Variants in RAD51B observed in about 807,000 individuals in gnomAD.
RAD51B encodes RAD51 paralog B.
In RAD51B, 38 loss-of-function variants were observed where a neutral mutation model predicts 42.2. The observed-to-expected ratio is 0.90, with a 90% CI of 0.70 to 1.18. The LOEUF is 1.18. Among genes scored for constraint, RAD51B ranks in the 50% most tolerant of loss-of-function variants. The pLI, the probability that RAD51B is intolerant of heterozygous loss-of-function variation, is 0.00. For missense variants in RAD51B, 373 were observed against 400.7 expected (o/e 0.93, Z 0.59); for synonymous variants, 154 against 145.2 (o/e 1.06, Z -0.43).
At chr14:68,461,094 C>T (rs911471279) in intron 9 of RAD51B, among the ~76,000 whole-genome samples, 1 of 151,776 alleles carries the variant, frequency 6.6e-6, no homozygotes, top group African/African-American at 2.4e-5. Context: ...AACCATAAAA[C>T]AGTAAAGAAA....
chr14:68,663,734 T>C (rs926152222), intron 11 of RAD51B, among the ~76,000 whole-genome samples: 10 of 152,010 alleles, frequency 6.6e-5, no homozygotes, highest in Non-Finnish European at 1.3e-4. Flanking sequence ...TTGGTGAGAA[T>C]AGCATAAGAG....
At chr14:68,147,138 A>T (rs914486969) in intron 7 of RAD51B, among the ~76,000 whole-genome samples, 2 of 152,152 alleles carry the variant, frequency 1.3e-5, no homozygotes, top group Non-Finnish European at 2.9e-5. Context: ...CTGGCCTTTG[A>T]GGGGAGAGTG....
intron 10 of RAD51B, among the ~76,000 whole-genome samples, chr14:68,532,050 CA>C (rs1470559910): frequency 6.6e-6 from 1 of 152,122 alleles, no homozygotes; most frequent in Non-Finnish European, 1.5e-5. Context: ...ATATGTTGAA[CA>C]TTTACATAAA....
At chr14:67,985,641 G>A (rs932557390) in intron 7 of RAD51B, among the ~76,000 whole-genome samples, 2 of 152,004 alleles carry the variant, frequency 1.3e-5, no homozygotes, top group Non-Finnish European at 2.9e-5. Context: ...AGAAACAGTG[G>A]CTCATGCTTG....
chr14:68,648,084 TAC>T (rs1892608521), intron 10 of RAD51B, among the ~76,000 whole-genome samples: 1 of 55,900 alleles, frequency 1.8e-5, no homozygotes, highest in African/African-American at 5.9e-5. Flanking sequence ...CACGTATATA[TAC>T]GTGTGTGTAT....
chr14:68,385,616 G>A (rs966275414), intron 8 of RAD51B, among the ~76,000 whole-genome samples: 4 of 152,124 alleles, frequency 2.6e-5, no homozygotes, highest in Admixed American at 2.6e-4. Context: ...TGACCCTTAC[G>A]GTACTTTCTG....
downstream of RAD51B, among the ~76,000 whole-genome samples, chr14:68,613,078 G>C (rs927825435): frequency 6.6e-6 from 1 of 152,220 alleles, no homozygotes; most frequent in Non-Finnish European, 1.5e-5. Context: ...CCTGCCCCAT[G>C]ACTAATAGTC....
intron 7 of RAD51B, among the ~76,000 whole-genome samples, chr14:68,069,876 G>A (rs2076713016): frequency 6.6e-6 from 1 of 152,104 alleles, no homozygotes; most frequent in Non-Finnish European, 1.5e-5. Flanking sequence ...ACTTTCTACA[G>A]TGGCTGAACT....
intron 7 of RAD51B, among the ~76,000 whole-genome samples, chr14:67,972,951 G>A (rs1465862070): frequency 6.6e-6 from 1 of 152,080 alleles, no homozygotes; most frequent in East Asian, 1.9e-4. Flanking sequence ...TCTCTTGTAT[G>A]AGTAGATCCC....
At chr14:67,872,579 A>C (rs1474308377) in intron 5 of RAD51B, among the ~76,000 whole-genome samples, 15 of 148,498 alleles carry the variant, frequency 1.0e-4, no homozygotes, top group Admixed American at 9.4e-4. Context: ...ACAGAATTGG[A>C]AAAAACTACT....
At chr14:67,879,522 A>G (rs1187791646) in intron 5 of RAD51B, among the ~76,000 whole-genome samples, 1 of 152,014 alleles carries the variant, frequency 6.6e-6, no homozygotes, top group Non-Finnish European at 1.5e-5. Context: ...AGTTCACTGT[A>G]ACCTCCAGCT....
chr14:68,049,742 C>T (rs1235268034), intron 7 of RAD51B, among the ~76,000 whole-genome samples: 1 of 152,188 alleles, frequency 6.6e-6, no homozygotes, highest in Non-Finnish European at 1.5e-5. Context: ...CCTTGCCAGC[C>T]TTTTTGATGC....
chr14:68,441,205 A>C (rs1281118665), intron 9 of RAD51B, among the ~76,000 whole-genome samples: 3 of 152,172 alleles, frequency 2.0e-5, no homozygotes, highest in Non-Finnish European at 4.4e-5. Context: ...ACAGCACCAG[A>C]AATAACATGA....
chr14:68,047,702 G>T (rs888169457), intron 7 of RAD51B, among the ~76,000 whole-genome samples: 2 of 152,074 alleles, frequency 1.3e-5, no homozygotes, highest in African/African-American at 4.8e-5. Flanking sequence ...TCTCTTCTCA[G>T]CACTATGAGG....
At chr14:68,346,717 T>A (rs944058345) in intron 8 of RAD51B, among the ~76,000 whole-genome samples, 1 of 152,204 alleles carries the variant, frequency 6.6e-6, no homozygotes, top group Non-Finnish European at 1.5e-5. Context: ...CCAGACTCCC[T>A]AGCATACATA....
chr14:67,857,797 A>G (rs1340758532), intron 4 of RAD51B: 1 of 153,112 alleles, frequency 6.5e-6, no homozygotes, highest in Non-Finnish European at 1.5e-5. Flanking sequence ...ACCATGCTCA[A>G]CCTCTTGCGG....
At chr14:68,207,892 G>A (rs546709497) in intron 7 of RAD51B, among the ~76,000 whole-genome samples, 5 of 152,102 alleles carry the variant, frequency 3.3e-5, no homozygotes, top group East Asian at 1.9e-4. Flanking sequence ...GTCAGCTCAC[G>A]TTAATTAATG....
chr14:67,864,009 GGA>G (rs1183943684), intron 4 of RAD51B, among the ~76,000 whole-genome samples: 4 of 151,564 alleles, frequency 2.6e-5, no homozygotes, highest in Admixed American at 2.0e-4. Context: ...TGGCGGAACA[GGA>G]GAGAGAGAGA....
At chr14:68,332,742 C>T (rs1790740304) in intron 8 of RAD51B, among the ~76,000 whole-genome samples, 2 of 95,326 alleles carry the variant, frequency 2.1e-5, no homozygotes, top group South Asian at 7.6e-4. Context: ...AACTGAAGTG[C>T]AGAGAGAGAA....
Sources: gnomAD v4.1 joint callset for allele counts (sites outside exome capture counted in the v4.1 genomes callset) on GRCh38, gnomAD v4.1.1 for gene constraint, MANE v1.5 for transcripts, NCBI Gene and HGNC (gene_info 2026-07-23, HGNC 2026-07-21) for gene names.